ZDHHC14: variants seen among roughly 807,000 people sequenced by gnomAD.
The protein encoded by ZDHHC14 is zDHHC palmitoyltransferase 14, also known as palmitoyltransferase ZDHHC14.
Under a neutral mutation model 47.7 loss-of-function variants are expected in ZDHHC14, and 16 were observed. The ratio of observed to expected loss-of-function variants is 0.34; its 90% CI spans 0.23 to 0.51. The LOEUF (loss-of-function observed/expected upper bound fraction) is 0.51. ZDHHC14 is among the 20% of genes least tolerant of loss of function. The pLI, the probability that ZDHHC14 is intolerant of heterozygous loss-of-function variation, is 0.97. For synonymous variants in ZDHHC14, 293 were observed against 278.9 expected, an observed-to-expected ratio of 1.05 and a Z score of -0.50; for missense variants, 515 against 662.5, an observed-to-expected ratio of 0.78 and a Z score of 2.44.
intron 1 of ZDHHC14, among the ~76,000 whole-genome samples, chr6:157,484,743 A>G (rs1368942525): frequency 6.6e-6 from 1 of 152,040 alleles, no homozygotes; most frequent in African/African-American, 2.4e-5. Flanking sequence ...AAAAAATAAA[A>G]ATAAAAATAA....
At chr6:157,649,730 C>T (rs1777730403) in intron 7 of ZDHHC14, among the ~76,000 whole-genome samples, 1 of 152,250 alleles carries the variant, frequency 6.6e-6, no homozygotes, top group Non-Finnish European at 1.5e-5. Flanking sequence ...CATTCGGTTC[C>T]TGCAGTGTTC....
chr6:157,427,967 A>G lies in ZDHHC14; in HGVS notation c.245+45701A>G, dbSNP rs149481890. Among the ~76,000 whole-genome samples the G allele has an allele frequency of 6.6e-6, 1 of 152,120 alleles. No individual in the cohort carries two copies. The highest frequency in any genetic ancestry group is 2.4e-5 in the African/African-American group (1 of 41,514). ...TGGGCTCCTGGAGGGCTGTTCTGTCATTGATATGTGCTGTGTTCACTTATC... is the reference window on the plus strand; with the variant it reads ...TGGGCTCCTGGAGGGCTGTTCTGTCGTTGATATGTGCTGTGTTCACTTATC... On this transcript the variant is annotated intron_variant, in intron 1 of 8. Coordinates refer to ENST00000359775, the MANE Select transcript of ZDHHC14 (RefSeq NM_024630.3). The surrounding 1 kb of genome is among the most constrained non-coding windows in gnomAD (Gnocchi z 4.4).
At chr6:157,515,036 AG>A (rs957383115) in intron 1 of ZDHHC14, among the ~76,000 whole-genome samples, 1 of 152,190 alleles carries the variant, frequency 6.6e-6, no homozygotes, top group African/African-American at 2.4e-5. Context: ...CATTTTGTAA[AG>A]GCCAGAATAT....
At chr6:157,559,944 A>C (rs375607906) in intron 2 of ZDHHC14, among the ~76,000 whole-genome samples, 1 of 152,250 alleles carries the variant, frequency 6.6e-6, no homozygotes, top group African/African-American at 2.4e-5. Context: ...TTACTTGAAA[A>C]TAAACATGAA....
At chr6:157,650,381 C>T (rs1391186063) in intron 7 of ZDHHC14, among the ~76,000 whole-genome samples, 3 of 151,770 alleles carry the variant, frequency 2.0e-5, no homozygotes, top group Non-Finnish European at 2.9e-5. Context: ...GGAGCTGGGC[C>T]GAGAACCAAG....
chr6:157,418,634 G>T (rs141842731), intron 1 of ZDHHC14, among the ~76,000 whole-genome samples: 1 of 152,306 alleles, frequency 6.6e-6, no homozygotes, highest in East Asian at 1.9e-4. Context: ...TGATTAAATT[G>T]CTTCAAGACT....
At chr6:157,423,681 G>C (rs1444099390) in intron 1 of ZDHHC14, among the ~76,000 whole-genome samples, 7 of 152,122 alleles carry the variant, frequency 4.6e-5, no homozygotes, top group Admixed American at 3.9e-4. Flanking sequence ...ATAAGACGGT[G>C]GCAAAATCTC....
intron 2 of ZDHHC14, among the ~76,000 whole-genome samples, chr6:157,574,679 A>C (rs1197754727): frequency 2.0e-5 from 3 of 152,116 alleles, no homozygotes; most frequent in African/African-American, 7.2e-5. Context: ...TCCATTCATC[A>C]TTGGTTTCCC....
chr6:157,430,457 C>A (rs950227964), intron 1 of ZDHHC14, among the ~76,000 whole-genome samples: 2 of 152,162 alleles, frequency 1.3e-5, no homozygotes, highest in East Asian at 3.8e-4. Flanking sequence ...TGTTTTCTTG[C>A]CTTTTTCAGC....
intron 1 of ZDHHC14, among the ~76,000 whole-genome samples, chr6:157,430,905 T>C (rs1778325982): frequency 6.6e-6 from 1 of 152,214 alleles, no homozygotes; most frequent in Non-Finnish European, 1.5e-5. Flanking sequence ...AAGATAGTCA[T>C]CTCTGGAGAA....
chr6:157,508,048 T>C (rs1432082385), intron 1 of ZDHHC14, among the ~76,000 whole-genome samples: 1 of 152,242 alleles, frequency 6.6e-6, no homozygotes, highest in Non-Finnish European at 1.5e-5. Flanking sequence ...AGCTTCCACA[T>C]TTTCTATTCA....
At chr6:157,570,736 T>C (rs1783062611) in intron 2 of ZDHHC14, among the ~76,000 whole-genome samples, 1 of 149,822 alleles carries the variant, frequency 6.7e-6, no homozygotes, top group Admixed American at 6.6e-5. Flanking sequence ...TAATTAGTGA[T>C]ATATATATGT....
chr6:157,461,618 G>T (rs958350914), intron 1 of ZDHHC14, among the ~76,000 whole-genome samples: 3 of 152,176 alleles, frequency 2.0e-5, no homozygotes, highest in African/African-American at 7.2e-5. Context: ...TTGGGTTAGG[G>T]TCTTGAAGTT....
Position 157,492,198 on chromosome 6 carries a change from C to CCGCCCCG in ZDHHC14, c.246-50381_246-50380insGCGCCCC, listed in dbSNP as rs1338889492. 7.5e-4 allele frequency among the ~76,000 whole-genome samples: 91 copies of CCGCCCCG among 121,108 alleles called. 4 individuals carry two copies. The highest frequency in any genetic ancestry group is 2.5e-3 in the Admixed American group (27 of 10,736). 79.5% of individuals were successfully genotyped at this position (121,108 alleles called of 152,430 possible). On this transcript the variant is annotated intron_variant, in intron 1 of 8. Transcript: ENST00000359775. ...AGCCTTGACCCTCAACATCCCCCCTCCGCCCCCGCCCCCCAGCCACTGTAG... is the reference window on the plus strand; with the variant it reads ...AGCCTTGACCCTCAACATCCCCCCTCCGCCCCGCGCCCCCGCCCCCCAGCCACTGTAG...
intron 1 of ZDHHC14, among the ~76,000 whole-genome samples, chr6:157,492,782 G>A (rs1160357925): frequency 1.3e-5 from 2 of 152,208 alleles, no homozygotes; most frequent in Non-Finnish European, 2.9e-5. Context: ...GAGTGGCCAG[G>A]AGCAGGGTGA....
chr6:157,611,031 G>GT (rs910410735), intron 3 of ZDHHC14, among the ~76,000 whole-genome samples: 5 of 152,258 alleles, frequency 3.3e-5, no homozygotes, highest in Middle Eastern at 3.4e-3. Flanking sequence ...TTTTTGTTTT[G>GT]TTTTTTGAGA....
chr6:157,496,112 GATAA>G (rs1215203261), intron 1 of ZDHHC14, among the ~76,000 whole-genome samples: 1 of 152,168 alleles, frequency 6.6e-6, no homozygotes, highest in Non-Finnish European at 1.5e-5. Context: ...CTGTTCTCCT[GATAA>G]AGTGGATTCT....
chr6:157,642,250 G>T (rs372132007), intron 5 of ZDHHC14, among the ~76,000 whole-genome samples: 1 of 152,082 alleles, frequency 6.6e-6, no homozygotes, highest in African/African-American at 2.4e-5. Flanking sequence ...AAATACTGAC[G>T]CATCCTAACC....
At chr6:157,398,256 G>C (rs1777563488) in intron 1 of ZDHHC14, among the ~76,000 whole-genome samples, 1 of 152,196 alleles carries the variant, frequency 6.6e-6, no homozygotes, top group Non-Finnish European at 1.5e-5. Flanking sequence ...CAGCAGGCTG[G>C]ATGGGCCCAA....
Sources: gnomAD v4.1 joint callset for allele counts (sites outside exome capture counted in the v4.1 genomes callset) on GRCh38, gnomAD v4.1.1 for gene constraint, Gnocchi (gnomAD v3.1) non-coding constraint, MANE v1.5 for transcripts, NCBI Gene and HGNC (gene_info 2026-07-23, HGNC 2026-07-21) for gene names.